The following LIMCH1 variants were observed in gnomAD, a reference collection of about 807,000 sequenced individuals.
The protein encoded by LIMCH1 is LIM and calponin homology domains-containing protein 1.
Under a neutral mutation model 176.5 loss-of-function variants are expected in LIMCH1, and 113 were observed. The ratio of observed to expected loss-of-function variants is 0.64; its 90% CI spans 0.55 to 0.75. LIMCH1 has a LOEUF of 0.75. Ranked by LOEUF, LIMCH1 falls within the 30% of genes least tolerant of loss-of-function variation. The pLI, the probability that LIMCH1 is intolerant of heterozygous loss-of-function variation, is 0.00. For missense variants in LIMCH1, 1,674 were observed against 1,814.9 expected (o/e 0.92, Z 1.41); for synonymous variants, 619 against 645.9 (o/e 0.96, Z 0.63).
chr4:41,490,197 AC>A (rs1288093756), intron 1 of LIMCH1, among the ~76,000 whole-genome samples: 9 of 151,650 alleles, frequency 5.9e-5, no homozygotes, highest in Non-Finnish European at 8.8e-5. Flanking sequence ...GCGTAAGTGG[AC>A]CCACACAGTT....
At chr4:41,612,949 T>A in intron 4 of LIMCH1, 1 of 1,530,566 alleles carries the variant, frequency 6.5e-7, no homozygotes, top group East Asian at 2.5e-5. Context: ...CGCGTGCTGC[T>A]CCAGGATTTT....
At chr4:41,490,807 G>A (rs1433112915) in intron 1 of LIMCH1, among the ~76,000 whole-genome samples, 1 of 152,136 alleles carries the variant, frequency 6.6e-6, no homozygotes, top group Admixed American at 6.5e-5. Context: ...GGAGCTGTTG[G>A]GTACACTTCC....
At chr4:41,627,585 GT>G (rs1470134921) in intron 8 of LIMCH1, among the ~76,000 whole-genome samples, 1 of 152,162 alleles carries the variant, frequency 6.6e-6, no homozygotes, top group East Asian at 1.9e-4. Flanking sequence ...ACTTCTATAT[GT>G]TCTGTCATAG....
At chr4:41,605,195 G>A (rs2090530411) in intron 3 of LIMCH1, among the ~76,000 whole-genome samples, 1 of 152,118 alleles carries the variant, frequency 6.6e-6, no homozygotes, top group Non-Finnish European at 1.5e-5. Flanking sequence ...TCAGACCATT[G>A]AATACTCATA....
At chr4:41,460,855 T>C (rs1186830482) in intron 1 of LIMCH1, among the ~76,000 whole-genome samples, 1 of 152,176 alleles carries the variant, frequency 6.6e-6, no homozygotes, top group Admixed American at 6.5e-5. Context: ...AAATGCCTGC[T>C]CTGATGAGCT....
At chr4:41,620,034 A>G in intron 6 of LIMCH1, 1 of 203,960 alleles carries the variant, frequency 4.9e-6, no homozygotes, top group Admixed American at 5.2e-5. Context: ...TTGGGGACCC[A>G]ATAACAAATA....
At chr4:41,567,450 C>T (rs1354728832) in intron 1 of LIMCH1, among the ~76,000 whole-genome samples, 2 of 151,940 alleles carry the variant, frequency 1.3e-5, no homozygotes, top group Non-Finnish European at 2.9e-5. Flanking sequence ...AGTATTTATG[C>T]AAAAATAATC....
intron 1 of LIMCH1, among the ~76,000 whole-genome samples, chr4:41,372,956 G>A (rs2054195478): frequency 6.6e-6 from 1 of 152,196 alleles, no homozygotes; most frequent in Non-Finnish European, 1.5e-5. Context: ...TTGGCAATTT[G>A]TCTCCGTTTG....
At chr4:41,654,647 T>G (rs1290991141) in intron 18 of LIMCH1, among the ~76,000 whole-genome samples, 1 of 152,036 alleles carries the variant, frequency 6.6e-6, no homozygotes, top group Non-Finnish European at 1.5e-5. Context: ...GGGATGTGGA[T>G]TTTGAAACTT....
intron 1 of LIMCH1, among the ~76,000 whole-genome samples, chr4:41,408,272 A>T (rs1190951512): frequency 1.3e-5 from 2 of 152,224 alleles, no homozygotes; most frequent in Non-Finnish European, 2.9e-5. Context: ...GGGTTAGAGC[A>T]GGATTCACCT....
rs188081557 is a variant in LIMCH1 at position 41,480,601 on chromosome 4, G to A, written c.97-13935G>A. Among the ~76,000 whole-genome samples, 388 of 152,026 alleles carry A rather than the reference G, an allele frequency of 2.6e-3. 1 individual carries two copies. Among genetic ancestry groups the A allele is most frequent in the African/African-American group, 8.9e-3 (370 of 41,500 alleles). ...CAGCCTGGAGACAGAGTGAGATTCC[G>A]TCAAAAAAAAGCCAACAACTAAAAT... On this transcript the variant is annotated intron_variant, in intron 1 of 26. Transcript: ENST00000313860.
rs1560337033 is a variant in LIMCH1, at chr4:41,676,361, TG to T, written c.3439-19del. ...TGAGGACATGGCTCAATTCTGATCA[TG>T]GTTTCATTTTTCTAAGCAGTTTAAG... is the stretch of plus-strand genomic sequence containing the variant. On this transcript the variant is annotated intron_variant, in intron 22 of 31. Transcript: ENST00000503057. The T allele has an allele frequency of 6.2e-7, 1 of 1,605,000 alleles. No homozygotes were observed. Among genetic ancestry groups the T allele is most frequent in the Admixed American group, 1.7e-5 (1 of 59,900 alleles).
In LIMCH1 at chr4:41,502,656, C is replaced by T. The variant is rs1001476421; in HGVS notation, c.167+8050C>T. Among the ~76,000 whole-genome samples, 8 of 152,152 alleles carry T rather than the reference C, an allele frequency of 5.3e-5. No individual in the cohort carries two copies. In the East Asian group the frequency reaches 7.7e-4, roughly 15 times the overall value. The stretch of plus-strand genomic sequence containing the variant: ...TTTGATTTGCATTTCTCTAATCATC[C>T]GTGATGTTGAGCTTTTTTTCATACT... On this transcript the variant is annotated intron_variant, in intron 2 of 26. Transcript: ENST00000313860.
rs76486950 is a variant in LIMCH1, at chr4:41,580,719, C to T, written c.-240-18201C>T. 4.3e-3 allele frequency among the ~76,000 whole-genome samples: 649 copies of T among 151,892 alleles called. 3 individuals carry two copies. The highest frequency in any genetic ancestry group is 0.014 in the African/African-American group (591 of 41,442). ...GGATAGAATAATGGATAAATAAATC[C>T]GAAAGCTGTTTCTTTGGAAAGACCA... On this transcript the variant is annotated intron_variant, in intron 1 of 31. Transcript: ENST00000503057.
At chr4:41,514,909 C>A (rs1055360950) in intron 2 of LIMCH1, among the ~76,000 whole-genome samples, 1 of 152,166 alleles carries the variant, frequency 6.6e-6, no homozygotes, top group Non-Finnish European at 1.5e-5. Flanking sequence ...AGAAGCAGTT[C>A]GCTTCACAAA....
intron 1 of LIMCH1, among the ~76,000 whole-genome samples, chr4:41,481,402 A>G (rs2068596817): frequency 6.6e-6 from 1 of 152,218 alleles, no homozygotes; most frequent in Non-Finnish European, 1.5e-5. Context: ...AGCTAGTTAT[A>G]TGACCTTGAG....
Position 41,667,785 on chromosome 4 carries a change from A to G in LIMCH1, c.3397+1119A>G, listed in dbSNP as rs142870968. The stretch of plus-strand genomic sequence containing the variant: ...GAGAATTCCACAACCCAGAGGGACT[A>G]TGCTTCAAAACAACTAGACCGCTGA... On this transcript the variant is annotated intron_variant, in intron 21 of 31. Transcript: ENST00000503057. Among the ~76,000 whole-genome samples the G allele has an allele frequency of 8.5e-3, 1,296 of 152,218 alleles. 18 individuals carry two copies. Among genetic ancestry groups the G allele is most frequent in the African/African-American group, 0.03 (1,230 of 41,532 alleles).
chr4:41,682,672 C>CTTTT (rs1479823691), intron 26 of LIMCH1, among the ~76,000 whole-genome samples: 96 of 139,892 alleles, frequency 6.9e-4, no homozygotes, highest in South Asian at 1.3e-3. Context: ...TTTTTTTCTT[C>CTTTT]TTCTTCTTTT....
At position 41,592,578 on chromosome 4, in the gene LIMCH1, C is replaced by G. The variant is rs1047948156; in HGVS notation, c.-240-6342C>G. Among the ~76,000 whole-genome samples, 6 of 152,172 alleles carry G rather than the reference C, an allele frequency of 3.9e-5. No individual in the cohort carries two copies. The South Asian group carries it at 1.2e-3, about 32-fold the overall frequency. ...ATCATCGCATCTTCCATGGTCCTTT[C>G]TTGACCTGAGTGAACAAGAATGTCT... On this transcript the variant is annotated intron_variant, in intron 1 of 31. Transcript: ENST00000503057.
Sources: allele counts gnomAD v4.1 joint callset (sites outside exome capture counted in the v4.1 genomes callset), GRCh38; gene constraint gnomAD v4.1.1; transcripts MANE v1.5; gene names NCBI Gene and HGNC (gene_info 2026-07-23, HGNC 2026-07-21).